The following SUMF1 variants were observed in gnomAD, a reference collection of about 807,000 sequenced individuals.
SUMF1 encodes the protein formylglycine-generating enzyme.
In SUMF1, 48 loss-of-function variants were observed where a neutral mutation model predicts 47.6. The observed-to-expected ratio is 1.01, with a 90% CI of 0.80 to 1.28. The LOEUF is 1.28. Among genes scored for constraint, SUMF1 ranks in the 50% most tolerant of loss-of-function variants. The probability of loss-of-function intolerance (pLI) is 0.00; values close to 1 mark genes in which losing one functional copy is unlikely to be tolerated. For missense variants in SUMF1, 571 were observed against 485.4 expected (o/e 1.18, Z -1.66); for synonymous variants, 230 against 192.1 (o/e 1.20, Z -1.63).
chr3:4,169,540 A>G (rs1694787358), intron 8 of SUMF1, among the ~76,000 whole-genome samples: 1 of 152,174 alleles, frequency 6.6e-6, no homozygotes, highest in South Asian at 2.1e-4. Context: ...CCTTTAGAAG[A>G]AGCATGCCCT....
chr3:4,188,622 T>G (rs935830644), intron 8 of SUMF1, among the ~76,000 whole-genome samples: 1 of 152,104 alleles, frequency 6.6e-6, no homozygotes, highest in African/African-American at 2.4e-5. Context: ...TGTAGCCTAG[T>G]GTCTAAGAGT....
chr3:4,424,131 C>T (rs1240230286), intron 3 of SUMF1, among the ~76,000 whole-genome samples: 1 of 152,192 alleles, frequency 6.6e-6, no homozygotes, highest in Admixed American at 6.5e-5. Flanking sequence ...AATTAGTCAT[C>T]TCATTTTCCT....
chr3:4,393,610 GA>G (rs1700946918), intron 7 of SUMF1, among the ~76,000 whole-genome samples: 2 of 152,072 alleles, frequency 1.3e-5, no homozygotes, highest in Admixed American at 1.3e-4. Flanking sequence ...TGGTATTACA[GA>G]AGTGAGCCAC....
chr3:4,449,390 T>C, intron 2 of SUMF1, 50 bp from the exon 3 acceptor site: 2 of 1,565,354 alleles, frequency 1.3e-6, no homozygotes, highest in Non-Finnish European at 1.8e-6. Context: ...TAGTAATGTG[T>C]TGCATGTGTG....
At chr3:4,054,411 G>A (rs1695159683) in intron 9 of SUMF1, among the ~76,000 whole-genome samples, 1 of 152,126 alleles carries the variant, frequency 6.6e-6, no homozygotes, top group South Asian at 2.1e-4. Flanking sequence ...GCTGACAACA[G>A]CAAAAAAGCT....
intron 8 of SUMF1, among the ~76,000 whole-genome samples, chr3:4,201,547 G>A (rs1695540101): frequency 6.6e-6 from 1 of 152,050 alleles, no homozygotes; most frequent in Admixed American, 6.6e-5. Flanking sequence ...TTTATTGGTT[G>A]ATGGAAACAG....
At chr3:4,068,288 C>CG (rs1695426767) in intron 9 of SUMF1, among the ~76,000 whole-genome samples, 1 of 151,996 alleles carries the variant, frequency 6.6e-6, no homozygotes, top group Admixed American at 6.6e-5. Context: ...TGGCTTCACC[C>CG]CCAATCCTGA....
intron 7 of SUMF1, among the ~76,000 whole-genome samples, chr3:4,397,276 C>G (rs571851681): frequency 6.6e-6 from 1 of 152,170 alleles, no homozygotes. Context: ...CAACTAAAAC[C>G]AAACCACCAC....
intron 8 of SUMF1, among the ~76,000 whole-genome samples, chr3:4,302,008 AAAC>A (rs1408436445): frequency 2.6e-5 from 4 of 152,326 alleles, no homozygotes; most frequent in African/African-American, 7.2e-5. Context: ...TCAGGCAGGA[AAAC>A]AACAAGAGGA....
intron 8 of SUMF1, among the ~76,000 whole-genome samples, chr3:4,258,662 G>A (rs1316445865): frequency 7.3e-5 from 11 of 151,366 alleles, no homozygotes; most frequent in Admixed American, 7.2e-4. Flanking sequence ...TACACTGTTG[G>A]TGGGACTGTA....
intron 8 of SUMF1, among the ~76,000 whole-genome samples, chr3:4,240,922 T>G (rs1335791293): frequency 1.3e-5 from 2 of 151,996 alleles, no homozygotes; most frequent in African/African-American, 2.4e-5. Context: ...TATAAAGACT[T>G]AAATGACAAA....
At chr3:4,309,719 T>C (rs893997923) in intron 8 of SUMF1, among the ~76,000 whole-genome samples, 2 of 152,184 alleles carry the variant, frequency 1.3e-5, no homozygotes, top group African/African-American at 2.4e-5. Context: ...AGGCAAACAC[T>C]ACAGTTGAAT....
At chr3:4,051,642 A>G (rs1321374165) in intron 9 of SUMF1, among the ~76,000 whole-genome samples, 1 of 152,050 alleles carries the variant, frequency 6.6e-6, no homozygotes, top group Non-Finnish European at 1.5e-5. Context: ...CCCTCCTACC[A>G]TCTTTGACAG....
intron 8 of SUMF1, among the ~76,000 whole-genome samples, chr3:4,285,022 T>G (rs1697604871): frequency 6.6e-6 from 1 of 152,166 alleles, no homozygotes; most frequent in African/African-American, 2.4e-5. Flanking sequence ...ACAAGTAAGA[T>G]GAGGCTTTCT....
chr3:4,252,977 T>G (rs918301890), intron 8 of SUMF1, among the ~76,000 whole-genome samples: 2 of 152,240 alleles, frequency 1.3e-5, no homozygotes, highest in African/African-American at 4.8e-5. Flanking sequence ...AACATTTGAC[T>G]TAGATCATCT....
At chr3:4,170,617 T>C (rs551046963) in intron 8 of SUMF1, among the ~76,000 whole-genome samples, 4 of 152,312 alleles carry the variant, frequency 2.6e-5, no homozygotes, top group East Asian at 1.9e-4. Flanking sequence ...CAGTGTAGTA[T>C]TGTCACCAAT....
intron 8 of SUMF1, among the ~76,000 whole-genome samples, chr3:4,101,451 T>C (rs1032866690): frequency 6.6e-6 from 1 of 151,952 alleles, no homozygotes; most frequent in Non-Finnish European, 1.5e-5. Flanking sequence ...GTCAAATTTA[T>C]AGAAGTAGAG....
intron 7 of SUMF1, among the ~76,000 whole-genome samples, chr3:4,397,753 A>G (rs1701083353): frequency 6.6e-6 from 1 of 152,114 alleles, no homozygotes; most frequent in Admixed American, 6.6e-5. Flanking sequence ...ATGCTACCAG[A>G]TGGCCTATCT....
At chr3:4,420,206 A>C (rs1305461927) in intron 3 of SUMF1, 60 bp from the exon 4 acceptor site, 5 of 1,334,056 alleles carry the variant, frequency 3.7e-6, no homozygotes, top group Non-Finnish European at 4.3e-6. Context: ...GAAAAATATC[A>C]ACTCAGTACA....
Sources: gnomAD v4.1 joint callset for allele counts (sites outside exome capture counted in the v4.1 genomes callset) on GRCh38, gnomAD v4.1.1 for gene constraint, MANE v1.5 for transcripts, NCBI Gene and HGNC (gene_info 2026-07-23, HGNC 2026-07-21) for gene names.